The following MAST4 variants were observed in gnomAD, a reference collection of about 807,000 sequenced individuals.
MAST4 encodes the protein microtubule associated serine/threonine kinase family member 4, also known as microtubule-associated serine/threonine-protein kinase 4.
In MAST4, 89 loss-of-function variants were observed where a neutral mutation model predicts 162.7. The ratio of observed to expected loss-of-function variants is 0.55; its 90% CI spans 0.46 to 0.65. The LOEUF is 0.65. MAST4 is among the 30% of genes least tolerant of loss of function. MAST4 has a pLI of 0.00. For synonymous variants in MAST4, 1,479 were observed against 1,361.1 expected (o/e 1.09, Z -1.91); for missense variants, 3,153 against 3,374.0 (o/e 0.93, Z 1.62).
chr5:66,891,426 G>A (rs1404811331), intron 3 of MAST4, among the ~76,000 whole-genome samples: 1 of 152,006 alleles, frequency 6.6e-6, no homozygotes, highest in East Asian at 1.9e-4. Context: ...CTCCCATGTT[G>A]CCCTCCCAGA....
At chr5:67,099,380 G>A (rs1012186658) in intron 7 of MAST4, among the ~76,000 whole-genome samples, 3 of 151,764 alleles carry the variant, frequency 2.0e-5, no homozygotes, top group African/African-American at 7.3e-5. Context: ...TATGTACTTA[G>A]TAAGATGTTT....
At position 66,852,205 on chromosome 5, in the gene MAST4, T is replaced by G. The variant is rs184640978; in HGVS notation, c.643-47746T>G. ...CTCTGTCACCCAGGCTGGAGTGCCG[T>G]GGTGCAATCATGACTTACTGCAGCC... is the stretch of plus-strand genomic sequence containing the variant. On this transcript the variant is annotated intron_variant, in intron 3 of 28. Coordinates refer to ENST00000403625, the MANE Select transcript of MAST4 (RefSeq NM_001164664.2). Among the ~76,000 whole-genome samples the G allele has an allele frequency of 9.7e-4, 147 of 152,320 alleles. 1 individual carries two copies. Among genetic ancestry groups the G allele is most frequent in the African/African-American group, 3.4e-3 (143 of 41,574 alleles).
rs569813201 is a variant in MAST4 at position 67,033,865 on chromosome 5, G to A, written c.675-20539G>A. Among the ~76,000 whole-genome samples the A allele has an allele frequency of 3.3e-5, 5 of 152,228 alleles. No homozygotes were observed. The South Asian group carries it at 6.2e-4, about 19-fold the overall frequency. On this transcript the variant is annotated intron_variant, in intron 4 of 28. Coordinates refer to ENST00000403625, the MANE Select transcript of MAST4 (RefSeq NM_001164664.2). The stretch of plus-strand genomic sequence containing the variant: ...TATGGCATTGTGAATCCGCATCTAC[G>A]TATGCCATCCATCTGCAGATGGATG...
intron 4 of MAST4, among the ~76,000 whole-genome samples, chr5:66,964,348 A>G (rs1746385787): frequency 6.6e-6 from 1 of 152,226 alleles, no homozygotes; most frequent in Admixed American, 6.5e-5. Flanking sequence ...GTTTGTTATA[A>G]GAATACACGA....
At chr5:66,767,278 G>A (rs73765334) in intron 2 of MAST4, among the ~76,000 whole-genome samples, 3,117 of 151,896 alleles carry the variant, frequency 0.021, 113 homozygotes, top group African/African-American at 0.07. Context: ...TAAGAGATGG[G>A]GGAGCAGGGC....
chr5:67,079,725 C>T (rs1398886218), intron 5 of MAST4, among the ~76,000 whole-genome samples: 1 of 152,174 alleles, frequency 6.6e-6, no homozygotes, highest in Admixed American at 6.5e-5. Context: ...TTTCCTCTGC[C>T]TCAAAGCCTC....
intron 4 of MAST4, among the ~76,000 whole-genome samples, chr5:66,908,586 T>G (rs973598582): frequency 6.6e-6 from 1 of 152,108 alleles, no homozygotes; most frequent in South Asian, 2.1e-4. Flanking sequence ...GGGGCAGAAG[T>G]TCCCTATTTC....
In MAST4 at chr5:67,131,867, C is replaced by T. The variant is rs1769015813; in HGVS notation, c.2009C>T (p.Ala670Val). 1 of 1,613,030 alleles carries T rather than the reference C, an allele frequency of 6.2e-7. No individual in the cohort carries two copies. The highest frequency in any genetic ancestry group is 1.7e-5 in the Admixed American group (1 of 59,944). The change falls in exon 16 of 29, where the codon GCC becomes GTC. Residue 670 changes from alanine to valine, a missense_variant. Around this residue, in one of 7 missense-constraint regions of MAST4, gnomAD observed 131 missense variants for 253.8 expected, o/e 0.52. Transcript: ENST00000403625. ...ATGGGTCCTCTCCCTGTTGATATGGCCAGAATGTACTTTGCTGAGACGGTC... is the reference window on the plus strand; with the variant it reads ...ATGGGTCCTCTCCCTGTTGATATGGTCAGAATGTACTTTGCTGAGACGGTC... ...KNMGPLPVDM[A>V]RMYFAETVLA...
At chr5:66,653,736 G>A (rs947516085) in intron 1 of MAST4, among the ~76,000 whole-genome samples, 2 of 152,116 alleles carry the variant, frequency 1.3e-5, no homozygotes. Flanking sequence ...CCAAAGCCCA[G>A]CATAAGTCTG....
In MAST4 at chr5:66,847,820, C is replaced by CAAAAAAAAAAAAAAAAAAAAA. The variant is rs777825639; in HGVS notation, c.643-52128_643-52108dup. On this transcript the variant is annotated intron_variant, in intron 3 of 28. Transcript: ENST00000403625. ...TGGGTGCTGGAACAAGACTCCTTCT[C>CAAAAAAAAAAAAAAAAAAAAA]AAAAAAAAAAAAAAAAAAAAAAAGA... 9.4e-4 allele frequency among the ~76,000 whole-genome samples: 51 copies of CAAAAAAAAAAAAAAAAAAAAA among 54,144 alleles called. 3 individuals carry two copies. Among genetic ancestry groups the CAAAAAAAAAAAAAAAAAAAAA allele is most frequent in the African/African-American group, 4.2e-3 (48 of 11,488 alleles). 35.5% of individuals were successfully genotyped at this position (54,144 alleles called of 152,430 possible). A position where few individuals can be genotyped will look rare whatever the true frequency, so the allele number is the denominator to read the frequency against.
intron 4 of MAST4, among the ~76,000 whole-genome samples, chr5:66,941,057 A>G (rs1743308515): frequency 1.3e-5 from 2 of 152,178 alleles, no homozygotes; most frequent in Admixed American, 1.3e-4. Context: ...TGAACCTAAA[A>G]TATTTCATAA....
intron 4 of MAST4, among the ~76,000 whole-genome samples, chr5:66,991,181 A>C (rs1312054412): frequency 6.6e-6 from 1 of 152,152 alleles, no homozygotes; most frequent in Admixed American, 6.6e-5. Flanking sequence ...TCATTTGTTC[A>C]CTGTTTCCCA....
chr5:66,700,681 C>T (rs1399312576), intron 1 of MAST4, among the ~76,000 whole-genome samples: 1 of 151,068 alleles, frequency 6.6e-6, no homozygotes, highest in African/African-American at 2.4e-5. Flanking sequence ...AGTGAGACTC[C>T]ATCTCTCAAA....
chr5:67,108,556 C>T (rs1212165342), intron 10 of MAST4, among the ~76,000 whole-genome samples: 8 of 152,046 alleles, frequency 5.3e-5, no homozygotes, highest in Admixed American at 3.9e-4. Flanking sequence ...AACATCCTTC[C>T]TGGTTACTAG....
chr5:66,664,464 A>G (rs1415531463), intron 1 of MAST4, among the ~76,000 whole-genome samples: 1 of 148,118 alleles, frequency 6.8e-6, no homozygotes, highest in African/African-American at 2.5e-5. Context: ...AAAATAGAAA[A>G]TCAGGAGTTT....
At chr5:67,035,588 C>T (rs937989078) in intron 4 of MAST4, among the ~76,000 whole-genome samples, 2 of 152,056 alleles carry the variant, frequency 1.3e-5, no homozygotes, top group Admixed American at 1.3e-4. Flanking sequence ...TTGTCCAAGC[C>T]CACATGGAGT....
At chr5:67,111,019 G>A (rs139145518) in intron 11 of MAST4, among the ~76,000 whole-genome samples, 62 of 152,090 alleles carry the variant, frequency 4.1e-4, no homozygotes, top group African/African-American at 1.3e-3. Flanking sequence ...ATGAGATTTC[G>A]TCTCAAAAAA....
chr5:66,692,306 T>A (rs1209356613), intron 1 of MAST4, among the ~76,000 whole-genome samples: 1 of 152,180 alleles, frequency 6.6e-6, no homozygotes, highest in Non-Finnish European at 1.5e-5. Context: ...TTCTTTTCGT[T>A]GCTTTTCTGT....
intron 1 of MAST4, 53 bp downstream of exon 1, chr5:66,597,071 A>G (rs1436413581): frequency 3.0e-6 from 4 of 1,354,760 alleles, no homozygotes; most frequent in Non-Finnish European, 3.8e-6. Context: ...GGGCGACCGT[A>G]GTTTCCCATC....
Sources: allele counts gnomAD v4.1 joint callset (sites outside exome capture counted in the v4.1 genomes callset), GRCh38; gene constraint gnomAD v4.1.1; regional missense constraint gnomAD v4.1.1; transcripts MANE v1.5; gene names NCBI Gene and HGNC (gene_info 2026-07-23, HGNC 2026-07-21).